The following CLMN variants were observed in gnomAD, a reference collection of about 807,000 sequenced individuals.
The protein encoded by CLMN is calmin (calponin-like, transmembrane).
CLMN carries 57 observed loss-of-function variants against 92.7 expected under a neutral mutation model. That is an observed-to-expected ratio of 0.61 (90% CI 0.50 to 0.77). CLMN has a LOEUF of 0.77. Among genes scored for constraint, CLMN ranks in the 30% least tolerant of loss-of-function variants. The pLI, the probability that CLMN is intolerant of heterozygous loss-of-function variation, is 0.00. For synonymous variants in CLMN, 466 were observed against 470.6 expected (o/e 0.99, Z 0.13); for missense variants, 1,158 against 1,237.5 (o/e 0.94, Z 0.96).
intron 8 of CLMN, among the ~76,000 whole-genome samples, chr14:95,208,532 T>G (rs1306982648): frequency 6.6e-6 from 1 of 152,232 alleles, no homozygotes; most frequent in East Asian, 1.9e-4. Context: ...TGCTAACATA[T>G]TCCATCTGAC....
At chr14:95,225,539 C>T (rs1285949025) in intron 2 of CLMN, among the ~76,000 whole-genome samples, 2 of 152,212 alleles carry the variant, frequency 1.3e-5, no homozygotes, top group African/African-American at 4.8e-5. Flanking sequence ...CTTGGGATGC[C>T]CTCCTCAGGA....
chr14:95,310,989 G>A lies in CLMN; in HGVS notation c.82+8722C>T, dbSNP rs1269472425. On this transcript the variant is annotated intron_variant, in intron 1 of 12. Transcript: ENST00000298912. The stretch of plus-strand genomic sequence containing the variant: ...TGCGAGAAAAGTCTTTGGGTTGCAG[G>A]GCCGGAGCAGGACGGGCACACTGGA... 2.6e-5 allele frequency among the ~76,000 whole-genome samples: 4 copies of A among 152,172 alleles called. No homozygotes were observed. In the East Asian group the frequency reaches 7.7e-4, roughly 29 times the overall value.
At chr14:95,316,903 C>A (rs1901805671) in intron 1 of CLMN, among the ~76,000 whole-genome samples, 1 of 152,174 alleles carries the variant, frequency 6.6e-6, no homozygotes, top group South Asian at 2.1e-4. Context: ...GGCCAGGAAT[C>A]CCTCTCAATC....
chr14:95,267,494 C>T (rs932135433), intron 1 of CLMN, among the ~76,000 whole-genome samples: 1 of 152,162 alleles, frequency 6.6e-6, no homozygotes, highest in African/African-American at 2.4e-5. Context: ...TATCATCTCA[C>T]CCCAGTTAAA....
intron 12 of CLMN, chr14:95,193,210 T>C (rs150918074): frequency 4.8e-5 from 34 of 702,384 alleles, no homozygotes; most frequent in African/African-American, 2.7e-4. Flanking sequence ...CGTCTCAGAA[T>C]TGTAAGAATT....
At chr14:95,274,583 C>T (rs1390039542) in intron 1 of CLMN, among the ~76,000 whole-genome samples, 1 of 152,212 alleles carries the variant, frequency 6.6e-6, no homozygotes, top group Non-Finnish European at 1.5e-5. Flanking sequence ...AAAGCTCACA[C>T]CCAGCACGCT....
chr14:95,273,895 ATTCAGAC>A, intron 1 of CLMN, among the ~76,000 whole-genome samples: 1 of 152,240 alleles, frequency 6.6e-6, no homozygotes, highest in East Asian at 1.9e-4. Context: ...CATGAACCTC[ATTCAGAC>A]CTACGACACG....
chr14:95,230,504 G>A (rs1472874403), intron 1 of CLMN, among the ~76,000 whole-genome samples: 1 of 152,252 alleles, frequency 6.6e-6, no homozygotes, highest in East Asian at 1.9e-4. Flanking sequence ...GGCAGTGATG[G>A]GCATGAGGAG....
chr14:95,278,521 G>A (rs1032307685), intron 1 of CLMN, among the ~76,000 whole-genome samples: 1 of 151,784 alleles, frequency 6.6e-6, no homozygotes, highest in African/African-American at 2.4e-5. Flanking sequence ...ATCCCGTTTT[G>A]GGAAAACTCT....
At chr14:95,255,652 A>C (rs924142993) in intron 1 of CLMN, among the ~76,000 whole-genome samples, 1 of 152,120 alleles carries the variant, frequency 6.6e-6, no homozygotes, top group Non-Finnish European at 1.5e-5. Context: ...TCTGATTTCC[A>C]TCGGGTCACC....
At chr14:95,204,956 C>T (rs1897006384) in intron 8 of CLMN, among the ~76,000 whole-genome samples, 1 of 152,142 alleles carries the variant, frequency 6.6e-6, no homozygotes, top group Admixed American at 6.5e-5. Flanking sequence ...AACACAAAAG[C>T]AATTTTCTTC....
intron 1 of CLMN, among the ~76,000 whole-genome samples, chr14:95,269,047 C>T (rs180939330): frequency 1.9e-4 from 29 of 151,974 alleles, no homozygotes; most frequent in African/African-American, 4.8e-4. Flanking sequence ...CGTGATCCGC[C>T]GCCTCAGCCT....
chr14:95,282,105 G>A (rs1900164377), intron 1 of CLMN, among the ~76,000 whole-genome samples: 1 of 152,208 alleles, frequency 6.6e-6, no homozygotes, highest in African/African-American at 2.4e-5. Flanking sequence ...TGAAGGATGA[G>A]TAGGAATTCA....
In CLMN at chr14:95,194,991, C is replaced by T. The variant is rs1030854658; in HGVS notation, c.2709-395G>A. ...GACCAGGCTGCCCTGACTCTCTCTACCTGCGTCTGAGGTCCAAAATGTACA... is the reference window on the plus strand; with the variant it reads ...GACCAGGCTGCCCTGACTCTCTCTATCTGCGTCTGAGGTCCAAAATGTACA... On this transcript the variant is annotated intron_variant, in intron 10 of 12. Coordinates refer to ENST00000298912, the MANE Select transcript of CLMN (RefSeq NM_024734.4). This position sits in a 1 kb window ranked among gnomAD's most constrained non-coding sequence, Gnocchi z 4.0. 3.3e-5 allele frequency among the ~76,000 whole-genome samples: 5 copies of T among 152,196 alleles called. No individual in the cohort carries two copies. The highest frequency in any genetic ancestry group is 7.3e-5 in the Non-Finnish European group (5 of 68,034).
chr14:95,266,953 G>A (rs1026714519), intron 1 of CLMN, among the ~76,000 whole-genome samples: 4 of 152,176 alleles, frequency 2.6e-5, no homozygotes, highest in African/African-American at 9.7e-5. Flanking sequence ...TCTTTAATAA[G>A]TGGTGCTGGG....
chr14:95,316,673 A>C (rs1426089985), intron 1 of CLMN, among the ~76,000 whole-genome samples: 1 of 152,240 alleles, frequency 6.6e-6, no homozygotes, highest in East Asian at 1.9e-4. Context: ...GATACTTCTA[A>C]GTCAACTTAA....
intron 4 of CLMN, among the ~76,000 whole-genome samples, chr14:95,221,114 C>T (rs7142652): frequency 0.14 from 20,649 of 152,106 alleles, 1,796 homozygotes; most frequent in Non-Finnish European, 0.19. Flanking sequence ...TGTTTTAACC[C>T]GGATTGATTG....
chr14:95,283,342 T>C (rs1210854667), intron 1 of CLMN, among the ~76,000 whole-genome samples: 3 of 152,198 alleles, frequency 2.0e-5, no homozygotes, highest in African/African-American at 7.2e-5. Context: ...TTAAACCTCT[T>C]TTTCTTCCCA....
At position 95,186,894 on chromosome 14, in the gene CLMN, G is replaced by A. The variant is rs1256226260; in HGVS notation, c.*4670C>T. On this transcript the variant is annotated 3_prime_UTR_variant, in exon 13 of 13. Coordinates refer to ENST00000298912, the MANE Select transcript of CLMN (RefSeq NM_024734.4). ...TCTGTTTCTTAAGTGAAGCAAGGGT[G>A]GTAAAGAAAACCTAGAACCCAGACC... The A allele has an allele frequency of 6.6e-6, 1 of 152,070 alleles. No individual in the cohort carries two copies. Among genetic ancestry groups the A allele is most frequent in the Non-Finnish European group, 1.5e-5 (1 of 68,054 alleles). 9.4% of individuals were successfully genotyped at this position (152,070 alleles called of 1,614,324 possible). A position where few individuals can be genotyped will look rare whatever the true frequency, so the allele number is the denominator to read the frequency against.
Sources: gnomAD v4.1 joint callset for allele counts (sites outside exome capture counted in the v4.1 genomes callset) on GRCh38, gnomAD v4.1.1 for gene constraint, Gnocchi (gnomAD v3.1) non-coding constraint, MANE v1.5 for transcripts, NCBI Gene and HGNC (gene_info 2026-07-23, HGNC 2026-07-21) for gene names.